The following PCSK5 variants were observed in gnomAD, a reference collection of about 807,000 sequenced individuals.
PCSK5 encodes proprotein convertase subtilisin/kexin type 5.
PCSK5 carries 129 observed loss-of-function variants against 233.2 expected under a neutral mutation model. The observed-to-expected ratio is 0.55, with a 90% CI of 0.48 to 0.64. The LOEUF (loss-of-function observed/expected upper bound fraction) is 0.64. Ranked by LOEUF, PCSK5 falls within the 30% of genes least tolerant of loss-of-function variation. PCSK5 has a pLI of 0.00. For missense variants in PCSK5, 2,076 were observed against 2,430.1 expected, an observed-to-expected ratio of 0.85 and a Z score of 3.06; for synonymous variants, 825 against 879.2, an observed-to-expected ratio of 0.94 and a Z score of 1.09.
chr9:76,140,918 A>G (rs1395728303), intron 10 of PCSK5, among the ~76,000 whole-genome samples: 1 of 152,116 alleles, frequency 6.6e-6, no homozygotes, highest in Non-Finnish European at 1.5e-5. Flanking sequence ...TACATTTAAG[A>G]GAAAATAGAC....
chr9:76,269,367 A>T (rs1307484886), intron 24 of PCSK5, among the ~76,000 whole-genome samples: 2 of 152,202 alleles, frequency 1.3e-5, no homozygotes, highest in Non-Finnish European at 2.9e-5. Flanking sequence ...CAACCCAGGA[A>T]AGATGATCAC....
intron 12 of PCSK5, among the ~76,000 whole-genome samples, chr9:76,159,831 T>TTC: frequency 6.8e-6 from 1 of 146,756 alleles, no homozygotes; most frequent in Non-Finnish European, 1.5e-5. Context: ...TTTTTTTTTT[T>TTC]TTTTTTTTGA....
intron 6 of PCSK5, among the ~76,000 whole-genome samples, chr9:76,070,971 G>A (rs73454525): frequency 1.6e-3 from 242 of 152,204 alleles, no homozygotes; most frequent in African/African-American, 5.4e-3. Flanking sequence ...GCTTGGTTGT[G>A]GTTGTTTTTA....
intron 3 of PCSK5, among the ~76,000 whole-genome samples, chr9:76,015,804 T>C (rs1398837543): frequency 6.6e-6 from 1 of 152,188 alleles, no homozygotes; most frequent in East Asian, 1.9e-4. Flanking sequence ...TTCCCTTAGA[T>C]TGATAACCTT....
At chr9:76,112,659 AAAAT>A (rs1478579154) in intron 9 of PCSK5, among the ~76,000 whole-genome samples, 5 of 152,196 alleles carry the variant, frequency 3.3e-5, no homozygotes, top group African/African-American at 1.2e-4. Flanking sequence ...ACACTACAAA[AAAAT>A]TAAAGCATCA....
chr9:75,906,033 T>C (rs754696459), intron 1 of PCSK5, among the ~76,000 whole-genome samples: 1 of 152,198 alleles, frequency 6.6e-6, no homozygotes, highest in Non-Finnish European at 1.5e-5. Flanking sequence ...ACAATTACAT[T>C]TGTCTGCTCA....
At chr9:76,192,451 A>G (rs993431161) in intron 20 of PCSK5, among the ~76,000 whole-genome samples, 4 of 152,206 alleles carry the variant, frequency 2.6e-5, no homozygotes, top group Admixed American at 6.5e-5. Context: ...ACATTTTATC[A>G]TCTCGGAAAT....
chr9:75,929,861 C>CTTT (rs146665133), intron 1 of PCSK5, among the ~76,000 whole-genome samples: 3 of 135,156 alleles, frequency 2.2e-5, no homozygotes, highest in African/African-American at 5.4e-5. Flanking sequence ...TGTCAGATCT[C>CTTT]TTTTTTTTTT....
rs1271928349 is a variant in PCSK5, at chr9:76,181,547, A to G, written c.2153A>G (p.Asn718Ser). 6.2e-7 allele frequency: 1 copy of G among 1,613,960 alleles called. No individual in the cohort carries two copies. Among genetic ancestry groups the G allele is most frequent in the Admixed American group, 1.7e-5 (1 of 60,010 alleles). ...GGATACTTTCTGAATGAAGAAACCA[A>G]CAGCTGTGTTACTCACTGCCCTGAT... is the stretch of plus-strand genomic sequence containing the variant. The part of the protein sequence containing the change: ...KYGYFLNEET[N>S]SCVTHCPDGS... The change falls in exon 16 of 38, where the codon AAC (asparagine) becomes AGC (serine). Residue 718 changes from asparagine to serine, a missense_variant. By Grantham distance (46) the Asn-to-Ser change is conservative (BLOSUM62 1). Transcript: ENST00000674117.
intron 13 of PCSK5, among the ~76,000 whole-genome samples, chr9:76,174,194 T>C (rs1823469182): frequency 6.6e-6 from 1 of 152,128 alleles, no homozygotes; most frequent in African/African-American, 2.4e-5. Context: ...CACAGGTCTA[T>C]AGGACAGTAT....
chr9:75,915,052 G>T (rs1822922186), intron 1 of PCSK5, among the ~76,000 whole-genome samples: 1 of 152,188 alleles, frequency 6.6e-6, no homozygotes, highest in Non-Finnish European at 1.5e-5. Context: ...GCTAAAGCAT[G>T]CCCATCTTGT....
chr9:76,062,130 C>T (rs920830895), intron 5 of PCSK5, among the ~76,000 whole-genome samples: 59 of 152,186 alleles, frequency 3.9e-4, no homozygotes, highest in African/African-American at 1.3e-3. Context: ...CACCTGTAGT[C>T]CTGGCTACTC....
intron 21 of PCSK5, among the ~76,000 whole-genome samples, chr9:76,231,911 G>A (rs10117165): frequency 0.45 from 68,403 of 152,088 alleles, 15,761 homozygotes; most frequent in South Asian, 0.5. Flanking sequence ...AACAGAACAT[G>A]AGGGCCTAGG....
intron 24 of PCSK5, among the ~76,000 whole-genome samples, chr9:76,253,448 T>A (rs1587807485): frequency 6.6e-6 from 1 of 152,202 alleles, no homozygotes; most frequent in East Asian, 1.9e-4. Context: ...TGATACCTCA[T>A]TTCACAGATG....
At chr9:76,318,465 A>T (rs1190894924) in intron 30 of PCSK5, among the ~76,000 whole-genome samples, 1 of 141,758 alleles carries the variant, frequency 7.1e-6, no homozygotes, top group Non-Finnish European at 1.6e-5. Context: ...AATTTAAAGT[A>T]TAAAAAAAAA....
At chr9:75,904,046 A>G (rs538463795) in intron 1 of PCSK5, among the ~76,000 whole-genome samples, 2 of 152,060 alleles carry the variant, frequency 1.3e-5, no homozygotes, top group South Asian at 4.2e-4. Flanking sequence ...TTTTTTCTTT[A>G]TTTTTAACTA....
At chr9:76,032,819 CT>C (rs1398856902) in intron 5 of PCSK5, among the ~76,000 whole-genome samples, 1 of 152,172 alleles carries the variant, frequency 6.6e-6, no homozygotes, top group African/African-American at 2.4e-5. Flanking sequence ...CCCTAGGTTA[CT>C]TCCTTTTAGA....
intron 7 of PCSK5, among the ~76,000 whole-genome samples, chr9:76,082,873 C>G (rs911812562): frequency 1.3e-5 from 2 of 151,666 alleles, no homozygotes; most frequent in African/African-American, 4.8e-5. Context: ...GTCAGAAAAG[C>G]CTATATTAAG....
chr9:76,322,997 T>A, intron 31 of PCSK5, 55 bp from the exon 32 acceptor site: 1 of 967,886 alleles, frequency 1.0e-6, no homozygotes, highest in South Asian at 1.5e-5. Context: ...CTGCAGACAA[T>A]GAATTCCTTT....
Sources: allele counts gnomAD v4.1 joint callset (sites outside exome capture counted in the v4.1 genomes callset), GRCh38; gene constraint gnomAD v4.1.1; transcripts MANE v1.5; gene names NCBI Gene and HGNC (gene_info 2026-07-23, HGNC 2026-07-21).